SVIL: variants seen among roughly 807,000 people sequenced by gnomAD.
The protein encoded by SVIL is supervillin.
SVIL carries 101 observed loss-of-function variants against 240.4 expected under a neutral mutation model. The observed-to-expected ratio is 0.42, with a 90% CI of 0.36 to 0.50. SVIL has a LOEUF of 0.50. Among genes scored for constraint, SVIL ranks in the 20% least tolerant of loss-of-function variants. The pLI, the probability that SVIL is intolerant of heterozygous loss-of-function variation, is 0.01. For missense variants in SVIL, 2,512 were observed against 2,818.7 expected (o/e 0.89, Z 2.46); for synonymous variants, 999 against 1,100.0 (o/e 0.91, Z 1.82).
chr10:29,552,715 T>C (rs1236494172), intron 5 of SVIL, among the ~76,000 whole-genome samples: 1 of 152,170 alleles, frequency 6.6e-6, no homozygotes, highest in African/African-American at 2.4e-5. Flanking sequence ...TATTCATGTA[T>C]CTTTTCCATT....
chr10:29,712,461 A>G (rs1239705092), intron 1 of SVIL, among the ~76,000 whole-genome samples: 1 of 152,186 alleles, frequency 6.6e-6, no homozygotes, highest in African/African-American at 2.4e-5. Flanking sequence ...CTCTCTCGCT[A>G]TCTGATCTCT....
chr10:29,558,928 G>A (rs1056124714), intron 3 of SVIL, among the ~76,000 whole-genome samples: 8 of 115,810 alleles, frequency 6.9e-5, no homozygotes, highest in Non-Finnish European at 1.2e-4. Flanking sequence ...ATTCTGCCTC[G>A]AAATATATAT....
intron 2 of SVIL, among the ~76,000 whole-genome samples, chr10:29,659,544 G>C (rs1273890971): frequency 1.3e-5 from 2 of 152,160 alleles, no homozygotes; most frequent in African/African-American, 4.8e-5. Context: ...CAGAAGCCTG[G>C]TTTATCCAGC....
intron 1 of SVIL, among the ~76,000 whole-genome samples, chr10:29,583,456 C>T (rs557065818): frequency 2.0e-4 from 30 of 152,200 alleles, no homozygotes; most frequent in South Asian, 4.2e-4. Context: ...CCCACCACCA[C>T]GCCTAGCTAA....
intron 1 of SVIL, among the ~76,000 whole-genome samples, chr10:29,624,587 T>C (rs1957795287): frequency 6.6e-6 from 1 of 152,146 alleles, no homozygotes; most frequent in Non-Finnish European, 1.5e-5. Context: ...CAGTGCTCAT[T>C]TGAAACACAA....
intron 8 of SVIL, 80 bp from the exon 9 acceptor site, chr10:29,532,252 T>C: frequency 6.6e-7 from 1 of 1,508,012 alleles, no homozygotes; most frequent in Non-Finnish European, 9.0e-7. Flanking sequence ...ATTATGCATC[T>C]CCGTGAGTCA....
chr10:29,462,430 A>G, intron 35 of SVIL, 29 bp from the exon 36 acceptor site: 1 of 1,611,764 alleles, frequency 6.2e-7, no homozygotes, highest in Non-Finnish European at 8.5e-7. Flanking sequence ...CAATGTCAGT[A>G]GACCCCAGGG....
intron 16 of SVIL, among the ~76,000 whole-genome samples, chr10:29,520,428 C>T (rs991054257): frequency 2.0e-5 from 3 of 152,166 alleles, no homozygotes; most frequent in African/African-American, 7.2e-5. Flanking sequence ...TGAAGACATC[C>T]CTCTCCTCAT....
At chr10:29,686,910 T>C (rs1961105977) in intron 1 of SVIL, among the ~76,000 whole-genome samples, 1 of 152,222 alleles carries the variant, frequency 6.6e-6, no homozygotes, top group African/African-American at 2.4e-5. Context: ...GAATCCACTT[T>C]AACCAGGCTT....
chr10:29,648,151 A>C (rs188412688), intron 3 of SVIL, among the ~76,000 whole-genome samples: 2 of 152,248 alleles, frequency 1.3e-5, no homozygotes, highest in African/African-American at 4.8e-5. Flanking sequence ...TGTCACCTGG[A>C]TCCCCACATC....
At chr10:29,461,140 C>CCTTGG (rs1261617115) in intron 36 of SVIL, among the ~76,000 whole-genome samples, 1 of 152,160 alleles carries the variant, frequency 6.6e-6, no homozygotes, top group Non-Finnish European at 1.5e-5. Flanking sequence ...AAACTTTCTT[C>CCTTGG]CTTGGCTATG....
At chr10:29,561,125 C>T (rs893642533) in intron 3 of SVIL, among the ~76,000 whole-genome samples, 8 of 152,266 alleles carry the variant, frequency 5.3e-5, no homozygotes, top group African/African-American at 1.9e-4. Flanking sequence ...CCAGCCGGGG[C>T]ACTGGCACTT....
intron 1 of SVIL, among the ~76,000 whole-genome samples, chr10:29,714,783 G>C (rs957215251): frequency 7.3e-5 from 11 of 151,540 alleles, no homozygotes; most frequent in African/African-American, 2.7e-4. Flanking sequence ...AACATGGTGA[G>C]AGCCCATCTC....
intron 2 of SVIL, among the ~76,000 whole-genome samples, chr10:29,683,180 C>A (rs1316761993): frequency 2.0e-5 from 3 of 152,166 alleles, no homozygotes; most frequent in Non-Finnish European, 2.9e-5. Context: ...GGGGTGAGGG[C>A]TTCCAGGTCA....
chr10:29,492,891 T>C (rs953684744), intron 21 of SVIL, among the ~76,000 whole-genome samples: 1 of 152,200 alleles, frequency 6.6e-6, no homozygotes, highest in Non-Finnish European at 1.5e-5. Context: ...TGCTAAGTGA[T>C]GTAAACCTAA....
chr10:29,515,828 G>C (rs1449095559), intron 16 of SVIL, among the ~76,000 whole-genome samples: 10 of 152,114 alleles, frequency 6.6e-5, no homozygotes, highest in African/African-American at 2.4e-5. Flanking sequence ...TTTCCCTGGT[G>C]GTTGCTTTGT....
chr10:29,695,191 A>C lies in SVIL; in HGVS notation c.-399-8540T>G, dbSNP rs1961830513. 5.3e-5 allele frequency among the ~76,000 whole-genome samples: 8 copies of C among 152,198 alleles called. No individual in the cohort carries two copies. In the South Asian group the frequency reaches 1.4e-3, roughly 28 times the overall value. ...GGAAGCAGCAGCCACTCCAGAAAGT[A>C]TGGAATGTACGAGCTGCTTATTTAA... On this transcript the variant is annotated intron_variant, in intron 1 of 35. Coordinates refer to the SVIL transcript ENST00000375400.
At chr10:29,561,584 A>AC (rs1954474795) in intron 3 of SVIL, among the ~76,000 whole-genome samples, 1 of 144,616 alleles carries the variant, frequency 6.9e-6, no homozygotes. Flanking sequence ...CTCAGAGGAA[A>AC]TTTTTTTTTT....
intron 1 of SVIL, among the ~76,000 whole-genome samples, chr10:29,576,701 T>C (rs1955711782): frequency 6.6e-6 from 1 of 152,174 alleles, no homozygotes; most frequent in South Asian, 2.1e-4. Context: ...TGTGCCAACA[T>C]GCCTGGTTAA....
Sources: gnomAD v4.1 joint callset for allele counts (sites outside exome capture counted in the v4.1 genomes callset) on GRCh38, gnomAD v4.1.1 for gene constraint, MANE v1.5 for transcripts, NCBI Gene and HGNC (gene_info 2026-07-23, HGNC 2026-07-21) for gene names.